Variants in ADAMTS3 observed in about 807,000 individuals in gnomAD.
ADAMTS3 encodes the protein ADAM metallopeptidase with thrombospondin type 1 motif 3.
ADAMTS3 carries 73 observed loss-of-function variants against 129.0 expected under a neutral mutation model. The ratio of observed to expected loss-of-function variants is 0.57; its 90% CI spans 0.47 to 0.69. The LOEUF is 0.69. ADAMTS3 is among the 30% of genes least tolerant of loss of function. ADAMTS3 has a pLI of 0.00. For synonymous variants in ADAMTS3, 477 were observed against 510.8 expected, an observed-to-expected ratio of 0.93 and a Z score of 0.89; for missense variants, 1,457 against 1,514.5, an observed-to-expected ratio of 0.96 and a Z score of 0.63.
chr4:72,311,058 C>T lies in ADAMTS3; in HGVS notation c.2045G>A (p.Gly682Glu), dbSNP rs1410174891. The T allele has an allele frequency of 2.5e-6, 4 of 1,607,658 alleles. No individual in the cohort carries two copies. Among genetic ancestry groups the T allele is most frequent in the African/African-American group, 1.3e-5 (1 of 74,818 alleles). ...YKDPYSICVR[G>E]ECVKVGCDKE... ...GCAATTTGAACTTACCACACACTCT[C>T]CTCGCACACATATGCTATATGGATC... Residue 682 changes from glycine (G) to glutamate (E), a missense_variant, in exon 14 of 22, where the codon GGA becomes GAA. Coordinates refer to ENST00000286657, the MANE Select transcript of ADAMTS3 (RefSeq NM_014243.3).
chr4:72,458,361 A>T (rs911514806), intron 3 of ADAMTS3, among the ~76,000 whole-genome samples: 8 of 150,614 alleles, frequency 5.3e-5, no homozygotes, highest in East Asian at 2.0e-4. Context: ...GATGTTAATT[A>T]AAAAAAAAGT....
chr4:72,388,473 TG>T (rs1721502267), intron 4 of ADAMTS3, among the ~76,000 whole-genome samples: 1 of 152,232 alleles, frequency 6.6e-6, no homozygotes, highest in African/African-American at 2.4e-5. Context: ...TCACTACCCC[TG>T]GTGCTGCTTT....
intron 5 of ADAMTS3, among the ~76,000 whole-genome samples, chr4:72,324,685 G>A (rs532033762): frequency 2.0e-5 from 3 of 152,234 alleles, no homozygotes; most frequent in African/African-American, 7.2e-5. Flanking sequence ...ATCTTGGATT[G>A]CATAAGTGTG....
chr4:72,442,115 T>C (rs1184959446), intron 3 of ADAMTS3: 1 of 151,794 alleles, frequency 6.6e-6, no homozygotes, highest in Non-Finnish European at 1.5e-5. Context: ...TCTAGGAACA[T>C]TTAGTGGATT....
At chr4:72,524,405 G>A (rs539114888) in intron 3 of ADAMTS3, among the ~76,000 whole-genome samples, 6 of 152,118 alleles carry the variant, frequency 3.9e-5, no homozygotes, top group African/African-American at 1.2e-4. Context: ...CAATAACAGT[G>A]CTATATAAGT....
chr4:72,303,299 C>T (rs1340552198), intron 17 of ADAMTS3, among the ~76,000 whole-genome samples: 2 of 151,568 alleles, frequency 1.3e-5, no homozygotes, highest in African/African-American at 4.9e-5. Context: ...GTGTGTGCTA[C>T]TGCCACCTTG....
intron 3 of ADAMTS3, among the ~76,000 whole-genome samples, chr4:72,544,911 T>A (rs985867504): frequency 6.6e-6 from 1 of 152,100 alleles, no homozygotes; most frequent in African/African-American, 2.4e-5. Flanking sequence ...AATTTAATTT[T>A]TAAAAATTAT....
chr4:72,562,641 T>A (rs1490811519), intron 2 of ADAMTS3, among the ~76,000 whole-genome samples: 6 of 152,128 alleles, frequency 3.9e-5, no homozygotes, highest in African/African-American at 1.4e-4. Flanking sequence ...TGCTAAATTA[T>A]AACAGCAGTT....
chr4:72,519,311 G>A (rs953097996), intron 3 of ADAMTS3, among the ~76,000 whole-genome samples: 2 of 152,100 alleles, frequency 1.3e-5, no homozygotes, highest in Non-Finnish European at 2.9e-5. Context: ...TGACAATTAT[G>A]TGTCTTGGAG....
chr4:72,330,076 T>C (rs762675387), intron 5 of ADAMTS3, among the ~76,000 whole-genome samples: 19 of 152,168 alleles, frequency 1.2e-4, no homozygotes, highest in Non-Finnish European at 1.0e-4. Flanking sequence ...TGGAGTACAA[T>C]GGCATCATCT....
At chr4:72,384,014 A>AAT (rs142116399) in intron 4 of ADAMTS3, among the ~76,000 whole-genome samples, 6,774 of 151,660 alleles carry the variant, frequency 0.045, 259 homozygotes, top group African/African-American at 0.11. Flanking sequence ...TAATACAATA[A>AAT]ATATATATAT....
intron 3 of ADAMTS3, among the ~76,000 whole-genome samples, chr4:72,430,052 T>C (rs571899345): frequency 1.3e-5 from 2 of 152,138 alleles, no homozygotes; most frequent in South Asian, 4.1e-4. Context: ...AACCCTATTG[T>C]GTTGAAAAAA....
In ADAMTS3 at chr4:72,380,752, G is replaced by A. The variant is rs138583540; in HGVS notation, c.661+34063C>T. ...TATTGTTGACAGGTTCTAGAGGGCA[G>A]AAAGTGGCAGTCATCTCAGAGATTT... On this transcript the variant is annotated intron_variant, in intron 4 of 21. Transcript: ENST00000286657. Among the ~76,000 whole-genome samples, 696 of 152,258 alleles carry A rather than the reference G, an allele frequency of 4.6e-3. 4 individuals are homozygous for A. Among genetic ancestry groups the A allele is most frequent in the African/African-American group, 0.016 (666 of 41,570 alleles).
rs1408146287 is a variant in ADAMTS3 at position 72,417,930 on chromosome 4, C to A, written c.505-2959G>T. ...ACTGGGCGACAGAGGGAGACTCCAT[C>A]TCAAAAAAAAAAAAGTAAGTACTTT... is the stretch of plus-strand genomic sequence containing the variant. On this transcript the variant is annotated intron_variant, in intron 3 of 21. Coordinates refer to ENST00000286657, the MANE Select transcript of ADAMTS3 (RefSeq NM_014243.3). Among the ~76,000 whole-genome samples the A allele has an allele frequency of 1.7e-3, 31 of 17,884 alleles. 3 individuals carry two copies. The highest frequency in any genetic ancestry group is 3.6e-3 in the African/African-American group (29 of 8,028). The allele number at this position is 17,884 out of a possible 152,430, so 11.7% of individuals were successfully genotyped here. A position where few individuals can be genotyped will look rare whatever the true frequency, so the allele number is the denominator to read the frequency against.
At position 72,291,030 on chromosome 4, in the gene ADAMTS3, T is replaced by C. The variant is rs759199903; in HGVS notation, c.2756A>G (p.Lys919Arg). Residue 919 changes from lysine to arginine, a missense_variant, in exon 20 of 22, where the codon AAA (lysine) becomes AGA (arginine). By Grantham distance (26) the Lys-to-Arg change is conservative (BLOSUM62 2). Coordinates refer to ENST00000286657, the MANE Select transcript of ADAMTS3 (RefSeq NM_014243.3). Reference sequence around the variant, plus strand: ...CTGATAGCCAGAACTTCCACAGGTTTTGGTGCAGTGTTCCCATTCTTCTGC... The same window carrying C: ...CTGATAGCCAGAACTTCCACAGGTTCTGGTGCAGTGTTCCCATTCTTCTGC... Reference protein sequence around the residue: ...WVAEEWEHCTKTCGSSGYQLR... With the variant: ...WVAEEWEHCTRTCGSSGYQLR... 1.2e-6 allele frequency: 2 copies of C among 1,613,982 alleles called. No individual in the cohort carries two copies. Among genetic ancestry groups the C allele is most frequent in the Non-Finnish European group, 8.5e-7 (1 of 1,179,940 alleles).
At chr4:72,296,710 A>C (rs552450871) in intron 18 of ADAMTS3, among the ~76,000 whole-genome samples, 1 of 152,110 alleles carries the variant, frequency 6.6e-6, no homozygotes, top group Non-Finnish European at 1.5e-5. Context: ...TAACTATAAT[A>C]TAATTCTTAA....
At chr4:72,550,763 G>A (rs1300374592) in intron 2 of ADAMTS3, among the ~76,000 whole-genome samples, 1 of 152,068 alleles carries the variant, frequency 6.6e-6, no homozygotes, top group East Asian at 1.9e-4. Flanking sequence ...AAATATAAGA[G>A]AATGAGCACA....
intron 3 of ADAMTS3, among the ~76,000 whole-genome samples, chr4:72,534,685 A>C (rs1422266971): frequency 6.6e-6 from 1 of 152,222 alleles, no homozygotes; most frequent in Non-Finnish European, 1.5e-5. Flanking sequence ...GAACAAAAAG[A>C]ATCACTGACC....
chr4:72,513,379 C>T (rs1323035645), intron 3 of ADAMTS3, among the ~76,000 whole-genome samples: 2 of 152,128 alleles, frequency 1.3e-5, no homozygotes, highest in Admixed American at 6.6e-5. Context: ...TTTTCAATGA[C>T]CACAGCTACT....
Sources: gnomAD v4.1 joint callset for allele counts (sites outside exome capture counted in the v4.1 genomes callset) on GRCh38, gnomAD v4.1.1 for gene constraint, MANE v1.5 for transcripts, NCBI Gene and HGNC (gene_info 2026-07-23, HGNC 2026-07-21) for gene names.